Variants in TNRC6A observed in about 807,000 individuals in gnomAD.
The protein encoded by TNRC6A is trinucleotide repeat containing adaptor 6A, also known as trinucleotide repeat-containing gene 6A protein.
TNRC6A carries 44 observed loss-of-function variants against 221.2 expected under a neutral mutation model. The observed-to-expected ratio is 0.20, with a 90% CI of 0.16 to 0.26. TNRC6A has a LOEUF of 0.26. Ranked by LOEUF, TNRC6A falls within the 10% of genes least tolerant of loss-of-function variation. The probability of loss-of-function intolerance (pLI) is 1.00; values close to 1 mark genes in which losing one functional copy is unlikely to be tolerated. For missense variants in TNRC6A, 2,199 were observed against 2,404.4 expected, an observed-to-expected ratio of 0.91 and a Z score of 1.79; for synonymous variants, 847 against 838.5, an observed-to-expected ratio of 1.01 and a Z score of -0.18.
At position 24,675,037 on chromosome 16, in the gene TNRC6A, T is replaced by G. The variant is rs983796692; in HGVS notation, n.402+34028T>G. 7.2e-5 allele frequency among the ~76,000 whole-genome samples: 11 copies of G among 152,144 alleles called. No homozygotes were observed. The South Asian group carries it at 1.7e-3, about 23-fold the overall frequency. ...GGCATGCGTCTGTAGTCCCAGCTAC[T>G]CAGGAGGCTGAGGTGGGAGGATTGC... On this transcript the variant is annotated intron_variant and non_coding_transcript_variant, in intron 2 of 2. Coordinates refer to the TNRC6A transcript ENST00000566108.
chr16:24,795,751 A>G (rs1337526243), intron 8 of TNRC6A, 156 bp from the exon 9 acceptor site: 3 of 597,316 alleles, frequency 5.0e-6, no homozygotes, highest in African/African-American at 1.9e-5. Context: ...AAGATAGGAC[A>G]CTGATGAATT....
At chr16:24,664,468 T>G (rs1374414565) in intron 2 of TNRC6A, among the ~76,000 whole-genome samples, 1 of 143,838 alleles carries the variant, frequency 7.0e-6, no homozygotes, top group Non-Finnish European at 1.5e-5. Flanking sequence ...TATTTTTAAA[T>G]ATAATAAATA....
In TNRC6A at chr16:24,809,469, T is replaced by G; in HGVS notation, c.4660T>G (p.Ser1554Ala). The G allele has an allele frequency of 6.6e-7, 1 of 1,524,742 alleles. No individual in the cohort carries two copies. Among genetic ancestry groups the G allele is most frequent in the Non-Finnish European group, 8.8e-7 (1 of 1,138,436 alleles). 94.5% of individuals were successfully genotyped at this position (1,524,742 alleles called of 1,614,324 possible). The change falls in exon 18 of 25, where the codon TCC (serine) becomes GCC (alanine). Residue 1554 changes from serine (S) to alanine (A), a missense_variant. Coordinates refer to ENST00000395799, the MANE Select transcript of TNRC6A (RefSeq NM_014494.4). ...ISVNTSLDQN[S>A]SKHGAISSGF... ...TGTGAACACATCTTTGGATCAAAAC[T>G]CCAGCAAACATGGTACAAAAGATAC...
At chr16:24,617,559 C>A (rs1410181454) in intron 1 of TNRC6A, among the ~76,000 whole-genome samples, 2 of 152,170 alleles carry the variant, frequency 1.3e-5, no homozygotes, top group African/African-American at 2.4e-5. Context: ...ATTTATACAA[C>A]AAACTTATAT....
intron 20 of TNRC6A, among the ~76,000 whole-genome samples, chr16:24,817,883 T>C (rs768652945): frequency 1.3e-5 from 2 of 152,170 alleles, no homozygotes; most frequent in African/African-American, 2.4e-5. Context: ...TGGGAGTTAG[T>C]GGAAGAATCC....
At position 24,635,190 on chromosome 16, in the gene TNRC6A, CTTCT is replaced by C. The variant is rs994258365; in HGVS notation, n.277-5683_277-5680del. Among the ~76,000 whole-genome samples, 11 of 129,454 alleles carry C rather than the reference CTTCT, an allele frequency of 8.5e-5. No individual in the cohort carries two copies. The South Asian group carries it at 1.9e-3, about 23-fold the overall frequency. 84.9% of individuals were successfully genotyped at this position (129,454 alleles called of 152,430 possible). ...CCTTCCTTCCTTCTTTCCTTCCTTC[CTTCT>C]TTCTTTCTTTGTAATGCTGGAACTC... On this transcript the variant is annotated intron_variant and non_coding_transcript_variant, in intron 1 of 2. Transcript: ENST00000566108.
At chr16:24,629,965 C>A (rs1901247750) in intron 1 of TNRC6A, among the ~76,000 whole-genome samples, 3 of 141,780 alleles carry the variant, frequency 2.1e-5, no homozygotes, top group South Asian at 2.2e-4. Context: ...AGAGTGAGAC[C>A]CTGTCTCAAA....
chr16:24,683,409 G>A (rs2055570248), intron 2 of TNRC6A, among the ~76,000 whole-genome samples: 1 of 152,052 alleles, frequency 6.6e-6, no homozygotes, highest in South Asian at 2.1e-4. Flanking sequence ...TGTTGCCCAG[G>A]CTGGTTTTAA....
At chr16:24,643,110 A>AAAT (rs1555483571) in intron 2 of TNRC6A, among the ~76,000 whole-genome samples, 149 of 56,798 alleles carry the variant, frequency 2.6e-3, no homozygotes, top group African/African-American at 8.4e-3. Context: ...ATATATATAA[A>AAAT]ATATATATAT....
At chr16:24,691,470 C>G (rs957934701) in intron 2 of TNRC6A, among the ~76,000 whole-genome samples, 3 of 152,056 alleles carry the variant, frequency 2.0e-5, no homozygotes, top group Admixed American at 6.6e-5. Context: ...AGAAAAACAT[C>G]TGAAAGGGGC....
intron 4 of TNRC6A, among the ~76,000 whole-genome samples, chr16:24,773,491 T>G (rs192709481): frequency 1.3e-5 from 2 of 152,356 alleles, no homozygotes; most frequent in East Asian, 3.8e-4. Context: ...CTTTGCAGTT[T>G]ATTGATGTTT....
chr16:24,672,809 T>C (rs898571269), intron 2 of TNRC6A, among the ~76,000 whole-genome samples: 2 of 152,188 alleles, frequency 1.3e-5, no homozygotes, highest in Admixed American at 1.3e-4. Flanking sequence ...TGTAACTTAC[T>C]TGTAGATATA....
At chr16:24,776,807 CT>C in intron 4 of TNRC6A, 125 bp from the exon 5 acceptor site, 1 of 1,493,450 alleles carries the variant, frequency 6.7e-7, no homozygotes, top group Non-Finnish European at 8.9e-7. Flanking sequence ...GAGGATATCC[CT>C]GCTCACAGAA....
intron 4 of TNRC6A, among the ~76,000 whole-genome samples, chr16:24,768,254 A>T (rs912932855): frequency 1.3e-5 from 2 of 151,748 alleles, no homozygotes; most frequent in African/African-American, 4.8e-5. Flanking sequence ...ACACGGTGAA[A>T]CCCCGTCTCT....
chr16:24,781,983 C>T lies in TNRC6A; in HGVS notation c.589+4625C>T, dbSNP rs182286549. On this transcript the variant is annotated intron_variant, in intron 5 of 24. Coordinates refer to ENST00000395799, the MANE Select transcript of TNRC6A (RefSeq NM_014494.4). ...GACTACAGGCGCCCGCCACCATGCC[C>T]GGCTAATTTTTTGTATTTTTAGTTG... Among the ~76,000 whole-genome samples the T allele has an allele frequency of 5.2e-3, 788 of 152,158 alleles. 4 individuals carry two copies. Among genetic ancestry groups the T allele is most frequent in the Middle Eastern group, 0.01 (3 of 294 alleles).
intron 2 of TNRC6A, among the ~76,000 whole-genome samples, chr16:24,699,298 A>T (rs1362024279): frequency 3.3e-5 from 5 of 152,186 alleles, no homozygotes; most frequent in Non-Finnish European, 7.3e-5. Flanking sequence ...ATGGTGTGAA[A>T]GTGGGCAGCA....
chr16:24,710,434 G>T (rs75724284), intron 2 of TNRC6A, among the ~76,000 whole-genome samples: 2,030 of 152,194 alleles, frequency 0.013, 14 homozygotes, highest in South Asian at 0.024. Flanking sequence ...ATAGAAAGGT[G>T]CCATCCCTAC....
In TNRC6A at chr16:24,804,186, A is replaced by G. The variant is rs753920541; in HGVS notation, c.3704A>G (p.Gln1235Arg). ...NKMDLSGGML[Q>R]DKRMEIDKHS... The stretch of plus-strand genomic sequence containing the variant: ...CTCCTGCCTTTATTAGGAATGTTAC[A>G]AGACAAACGAATGGAGATAGATAAA... The change falls in exon 12 of 25, where the codon CAA becomes CGA. Residue 1235 changes from glutamine (Q) to arginine (R), a missense_variant. Physicochemically the swap from Gln to Arg is conservative, Grantham distance 43. Coordinates refer to ENST00000395799, the MANE Select transcript of TNRC6A (RefSeq NM_014494.4). The G allele has an allele frequency of 1.9e-6, 3 of 1,606,106 alleles. No individual in the cohort carries two copies. The South Asian group carries it at 3.4e-5, about 18-fold the overall frequency.
intron 5 of TNRC6A, among the ~76,000 whole-genome samples, chr16:24,787,865 C>A (rs1480377295): frequency 6.6e-6 from 1 of 152,194 alleles, no homozygotes; most frequent in Non-Finnish European, 1.5e-5. Context: ...TTCTTTTTAT[C>A]TCCTAGGCCT....
Sources: gnomAD v4.1 joint callset for allele counts (sites outside exome capture counted in the v4.1 genomes callset) on GRCh38, gnomAD v4.1.1 for gene constraint, MANE v1.5 for transcripts, NCBI Gene and HGNC (gene_info 2026-07-23, HGNC 2026-07-21) for gene names.